The following FAM13A variants were observed in gnomAD, a reference collection of about 807,000 sequenced individuals.
The protein encoded by FAM13A is family with sequence similarity 13 member A, also known as protein FAM13A.
A neutral mutation model predicts 129.6 loss-of-function variants in FAM13A; 76 were observed. The observed-to-expected ratio is 0.59, with a 90% confidence interval of 0.49 to 0.71. FAM13A has a LOEUF of 0.71. Ranked by LOEUF, FAM13A falls within the 30% of genes least tolerant of loss-of-function variation. The pLI is 0.00. For missense variants in FAM13A, 1,108 were observed against 1,249.3 expected, an observed-to-expected ratio of 0.89 and a Z score of 1.70; for synonymous variants, 443 against 449.9, an observed-to-expected ratio of 0.98 and a Z score of 0.20.
Position 88,822,919 on chromosome 4 carries a change from G to A in FAM13A, c.1008-17867C>T, listed in dbSNP as rs1732298709. 1.9e-6 allele frequency: 3 copies of A among 1,593,858 alleles called. No homozygotes were observed. The Admixed American group carries it at 5.3e-5, about 28-fold the overall frequency. ...ATGCCAAGTACTGGCAAAGTTATAT[G>A]GCTTGATACAACTCAAAAAATACAT... is the stretch of plus-strand genomic sequence containing the variant. On this transcript the variant is annotated intron_variant, in intron 7 of 23. Coordinates refer to ENST00000264344, the MANE Select transcript of FAM13A (RefSeq NM_014883.4).
intron 3 of FAM13A, among the ~76,000 whole-genome samples, chr4:89,007,039 T>C (rs998936952): frequency 1.3e-5 from 2 of 152,174 alleles, no homozygotes; most frequent in African/African-American, 4.8e-5. Context: ...ATGCCTGTTC[T>C]AATTTAGGGT....
At chr4:88,982,742 T>G (rs1002262497) in intron 4 of FAM13A, among the ~76,000 whole-genome samples, 1 of 152,236 alleles carries the variant, frequency 6.6e-6, no homozygotes, top group South Asian at 2.1e-4. Context: ...GGGATTTCCT[T>G]AGAAAAATCA....
rs557134850 is a variant in FAM13A at position 88,727,743 on chromosome 4, T to A, written c.*790A>T. The A allele has an allele frequency of 2.0e-5, 3 of 152,352 alleles. No homozygotes were observed. The highest frequency in any genetic ancestry group is 4.8e-5 in the African/African-American group (2 of 41,572). The allele number at this position is 152,352 out of a possible 1,614,324, so 9.4% of individuals were successfully genotyped here. On this transcript the variant is annotated 3_prime_UTR_variant, in exon 24 of 24. Coordinates refer to ENST00000264344, the MANE Select transcript of FAM13A (RefSeq NM_014883.4). ...AAATCAGACTGGTAAGTGCAGTCAG[T>A]GTTCAGGAAAGAATCTCCAGGCTCT...
intron 6 of FAM13A, among the ~76,000 whole-genome samples, chr4:88,890,941 T>G (rs530952258): frequency 1.3e-5 from 2 of 152,106 alleles, no homozygotes; most frequent in Non-Finnish European, 2.9e-5. Context: ...AACAGAAACG[T>G]GAATAGACCT....
At chr4:88,882,363 T>C (rs1436313339) in intron 6 of FAM13A, among the ~76,000 whole-genome samples, 4 of 152,102 alleles carry the variant, frequency 2.6e-5, no homozygotes, top group African/African-American at 9.7e-5. Context: ...AGCCAAGAAT[T>C]TTGTATCCAG....
At chr4:89,024,194 A>C (rs1767634906) in intron 2 of FAM13A, among the ~76,000 whole-genome samples, 1 of 152,206 alleles carries the variant, frequency 6.6e-6, no homozygotes, top group South Asian at 2.1e-4. Context: ...CAGAAGTCAC[A>C]AATTGCCTAA....
At chr4:88,841,005 AAATGGATCAAAGACCT>A (rs772690651) in intron 7 of FAM13A, among the ~76,000 whole-genome samples, 4,495 of 82,154 alleles carry the variant, frequency 0.055, 92 homozygotes, top group Non-Finnish European at 0.066. Context: ...TCAAAGACCA[AAATGGATCAAAGACCT>A]AAATGGATCA....
intron 4 of FAM13A, among the ~76,000 whole-genome samples, chr4:88,970,839 G>A (rs1759981421): frequency 1.3e-5 from 2 of 152,142 alleles, no homozygotes; most frequent in Admixed American, 1.3e-4. Flanking sequence ...TAATAAAAAT[G>A]AGATGAAATT....
chr4:88,993,287 A>G (rs1292357080), intron 3 of FAM13A, among the ~76,000 whole-genome samples: 1 of 152,234 alleles, frequency 6.6e-6, no homozygotes, highest in Non-Finnish European at 1.5e-5. Flanking sequence ...ATAAACAAAT[A>G]ATGAACCAAG....
chr4:88,826,817 G>A lies in FAM13A; in HGVS notation c.1008-21765C>T, dbSNP rs185373528. Among the ~76,000 whole-genome samples the A allele has an allele frequency of 3.2e-4, 48 of 152,202 alleles. 1 individual carries two copies. The highest frequency in any genetic ancestry group is 2.1e-3 in the South Asian group (10 of 4,820). ...TCTCAAGCCTCTTATCTGTGTATTG[G>A]ATCTCATCATTTTCTCCTTCCTCTG... On this transcript the variant is annotated intron_variant, in intron 7 of 23. Coordinates refer to ENST00000264344, the MANE Select transcript of FAM13A (RefSeq NM_014883.4).
chr4:88,875,938 A>G (rs113949137), intron 6 of FAM13A, among the ~76,000 whole-genome samples: 1 of 152,236 alleles, frequency 6.6e-6, no homozygotes, highest in Non-Finnish European at 1.5e-5. Flanking sequence ...TGGCACATAT[A>G]CACCATGGAA....
At chr4:88,997,273 A>T (rs1190006685) in intron 3 of FAM13A, among the ~76,000 whole-genome samples, 3 of 152,250 alleles carry the variant, frequency 2.0e-5, no homozygotes, top group Admixed American at 6.5e-5. Context: ...ATGGTTCACA[A>T]TTAAAATAGT....
At chr4:89,020,280 CTTT>C (rs374510433) in intron 3 of FAM13A, among the ~76,000 whole-genome samples, 177 bp downstream of exon 3, 1 of 124,736 alleles carries the variant, frequency 8.0e-6, no homozygotes. Flanking sequence ...TTTTTCTGCC[CTTT>C]TTTTTTTTTT....
intron 19 of FAM13A, among the ~76,000 whole-genome samples, chr4:88,741,182 A>G (rs1740173304): frequency 6.6e-6 from 1 of 152,246 alleles, no homozygotes; most frequent in South Asian, 2.1e-4. Flanking sequence ...AAGTTCATCA[A>G]AAGACATATG....
At chr4:88,847,582 T>C (rs1034772647) in intron 7 of FAM13A, among the ~76,000 whole-genome samples, 1 of 151,896 alleles carries the variant, frequency 6.6e-6, no homozygotes, top group Non-Finnish European at 1.5e-5. Flanking sequence ...AAAAGGAGAG[T>C]CTTGTTAACT....
chr4:88,952,521 T>C (rs1363675807), intron 4 of FAM13A, among the ~76,000 whole-genome samples: 3 of 152,228 alleles, frequency 2.0e-5, no homozygotes, highest in Non-Finnish European at 1.5e-5. Context: ...GATCCTCATA[T>C]ATCTTAGTTA....
chr4:88,779,606 T>C (rs1368490915), intron 11 of FAM13A, among the ~76,000 whole-genome samples: 1 of 152,192 alleles, frequency 6.6e-6, no homozygotes, highest in East Asian at 1.9e-4. Flanking sequence ...ATATGTGACA[T>C]GCACAATCCT....
At chr4:88,980,392 C>A (rs994000505) in intron 4 of FAM13A, among the ~76,000 whole-genome samples, 16 of 152,062 alleles carry the variant, frequency 1.1e-4, no homozygotes, top group African/African-American at 3.9e-4. Context: ...AATGTATAAA[C>A]ATTTTGAAAA....
intron 8 of FAM13A, among the ~76,000 whole-genome samples, chr4:88,795,471 AT>A (rs1308698098): frequency 6.6e-6 from 1 of 151,812 alleles, no homozygotes; most frequent in Non-Finnish European, 1.5e-5. Flanking sequence ...ATGTTTTAGC[AT>A]AAAAAGAAAT....
Sources: allele counts gnomAD v4.1 joint callset (sites outside exome capture counted in the v4.1 genomes callset), GRCh38; gene constraint gnomAD v4.1.1; transcripts MANE v1.5; gene names NCBI Gene and HGNC (gene_info 2026-07-23, HGNC 2026-07-21).